The following RARB variants were observed in gnomAD, a reference collection of about 807,000 sequenced individuals.
The protein encoded by RARB is retinoic acid receptor beta.
In RARB, 17 loss-of-function variants were observed where a neutral mutation model predicts 51.9. That is an observed-to-expected ratio of 0.33 (90% confidence interval 0.22 to 0.49). The LOEUF is 0.49. Among genes scored for constraint, RARB ranks in the 20% least tolerant of loss-of-function variants. RARB has a pLI of 0.99. For missense variants in RARB, 369 were observed against 550.8 expected, an observed-to-expected ratio of 0.67 and a Z score of 3.30; for synonymous variants, 215 against 195.4, an observed-to-expected ratio of 1.10 and a Z score of -0.84.
chr3:25,071,749 G>T (rs866682584), intron 3 of RARB, among the ~76,000 whole-genome samples: 1 of 152,206 alleles, frequency 6.6e-6, no homozygotes, highest in Non-Finnish European at 1.5e-5. Flanking sequence ...ATGGTATAAG[G>T]AGAGGCGCTG....
chr3:25,238,153 C>T (rs1016726281), intron 5 of RARB, among the ~76,000 whole-genome samples: 1 of 151,904 alleles, frequency 6.6e-6, no homozygotes, highest in African/African-American at 2.4e-5. Context: ...CTCCAGCGCC[C>T]CCCCACACAT....
At chr3:25,063,631 T>G (rs967106494) in intron 3 of RARB, among the ~76,000 whole-genome samples, 8 of 151,794 alleles carry the variant, frequency 5.3e-5, no homozygotes, top group African/African-American at 1.7e-4. Context: ...TGACTAAAGT[T>G]TAAGGAACAA....
chr3:25,074,404 A>G (rs962335889), intron 3 of RARB, among the ~76,000 whole-genome samples: 6 of 152,112 alleles, frequency 3.9e-5, no homozygotes, highest in Admixed American at 2.0e-4. Context: ...ACTATTAAGA[A>G]TCCTGGTGCT....
chr3:25,322,120 G>A (rs1269145573), intron 5 of RARB, among the ~76,000 whole-genome samples: 1 of 151,544 alleles, frequency 6.6e-6, no homozygotes, highest in African/African-American at 2.4e-5. Context: ...CGCAGCATTG[G>A]GTCTGGAGGT....
rs1458043755 is a variant in RARB at position 25,307,492 on chromosome 3, T to C, written c.178+132917T>C. 2.0e-5 allele frequency among the ~76,000 whole-genome samples: 3 copies of C among 152,118 alleles called. No homozygotes were observed. The East Asian group carries it at 5.8e-4, about 29-fold the overall frequency. On this transcript the variant is annotated intron_variant, in intron 5 of 11. Coordinates refer to the RARB transcript ENST00000383772. The stretch of plus-strand genomic sequence containing the variant: ...AGAAGTCCCTTAGCCAACACACAAA[T>C]TCCTCAATGGCATCTCTGGTCACAG...
At chr3:24,942,216 C>T (rs539608242) in intron 2 of RARB, among the ~76,000 whole-genome samples, 17 of 152,314 alleles carry the variant, frequency 1.1e-4, no homozygotes, top group Middle Eastern at 3.4e-3. Context: ...TTAACACCTC[C>T]TGTATGCTGT....
chr3:25,406,612 T>A (rs760868593), intron 5 of RARB, among the ~76,000 whole-genome samples: 7 of 152,260 alleles, frequency 4.6e-5, no homozygotes, highest in Non-Finnish European at 1.0e-4. Context: ...CACCCCATTT[T>A]AATTCAATCA....
At chr3:25,184,958 C>A (rs985946664) in intron 5 of RARB, among the ~76,000 whole-genome samples, 13 of 152,114 alleles carry the variant, frequency 8.5e-5, no homozygotes, top group African/African-American at 3.1e-4. Flanking sequence ...ATTATCCATG[C>A]TTTGCGGCCA....
chr3:25,345,867 C>G (rs557882361), intron 5 of RARB: 1 of 907,710 alleles, frequency 1.1e-6, no homozygotes, highest in Admixed American at 6.2e-5. Flanking sequence ...TTTCTTAAAA[C>G]AACCACCACT....
rs938144661 is a variant in RARB at position 24,855,531 on chromosome 3, C to T, written c.-458-3143C>T. Among the ~76,000 whole-genome samples, 14 of 152,200 alleles carry T rather than the reference C, an allele frequency of 9.2e-5. 1 individual carries two copies. Among genetic ancestry groups the T allele is most frequent in the African/African-American group, 3.4e-4 (14 of 41,536 alleles). ...TATACCTGTTCCCTGTAGGCCTTCT[C>T]TGAGAAATAAACATGATCAAAGGAT... is the stretch of plus-strand genomic sequence containing the variant. On this transcript the variant is annotated intron_variant, in intron 1 of 11. Coordinates refer to the RARB transcript ENST00000383772.
chr3:24,939,174 G>A (rs896841671), intron 2 of RARB, among the ~76,000 whole-genome samples: 3 of 152,076 alleles, frequency 2.0e-5, no homozygotes, highest in Admixed American at 2.0e-4. Context: ...AGTAGAAACT[G>A]GGTTTCATTG....
At chr3:25,444,872 AG>A (rs1277237338) in intron 1 of RARB, among the ~76,000 whole-genome samples, 1 of 152,210 alleles carries the variant, frequency 6.6e-6, no homozygotes, top group Non-Finnish European at 1.5e-5. Flanking sequence ...ACAGGAGGTG[AG>A]GTGTATTGAG....
chr3:25,385,421 T>A (rs1384346489), intron 5 of RARB, among the ~76,000 whole-genome samples: 2 of 152,162 alleles, frequency 1.3e-5, no homozygotes, highest in Admixed American at 1.3e-4. Context: ...ATTACTCATT[T>A]ATTAAATTCA....
At chr3:24,841,317 GATC>G (rs1283083858) in intron 1 of RARB, among the ~76,000 whole-genome samples, 1 of 152,126 alleles carries the variant, frequency 6.6e-6, no homozygotes, top group African/African-American at 2.4e-5. Context: ...TGTCAACATA[GATC>G]ATACATACAC....
intron 5 of RARB, among the ~76,000 whole-genome samples, chr3:25,203,382 T>C (rs1701447009): frequency 6.6e-6 from 1 of 152,238 alleles, no homozygotes; most frequent in African/African-American, 2.4e-5. Context: ...TGACTCTTTA[T>C]CCAATTTGCC....
intron 2 of RARB, among the ~76,000 whole-genome samples, chr3:25,490,039 T>C (rs1189787002): frequency 6.6e-6 from 1 of 152,212 alleles, no homozygotes; most frequent in Admixed American, 6.5e-5. Flanking sequence ...GCAGTGTCTG[T>C]GGTGAAGAGA....
intron 2 of RARB, among the ~76,000 whole-genome samples, chr3:24,896,533 A>T (rs1377716163): frequency 6.6e-6 from 1 of 152,170 alleles, no homozygotes; most frequent in East Asian, 1.9e-4. Flanking sequence ...TGCTGGGATT[A>T]CAGGTGCCAG....
intron 5 of RARB, among the ~76,000 whole-genome samples, chr3:25,232,513 T>C (rs575588532): frequency 6.6e-6 from 1 of 152,204 alleles, no homozygotes; most frequent in African/African-American, 2.4e-5. Flanking sequence ...AAAAGAAAAC[T>C]TATGATTTAT....
At chr3:25,231,475 T>C (rs563304061) in intron 5 of RARB, among the ~76,000 whole-genome samples, 2 of 152,250 alleles carry the variant, frequency 1.3e-5, no homozygotes, top group South Asian at 4.1e-4. Flanking sequence ...AGCAATACTC[T>C]TTGTTAAGAA....
Sources: gnomAD v4.1 joint callset for allele counts (sites outside exome capture counted in the v4.1 genomes callset) on GRCh38, gnomAD v4.1.1 for gene constraint, MANE v1.5 for transcripts, NCBI Gene and HGNC (gene_info 2026-07-23, HGNC 2026-07-21) for gene names.